AGTRAP: variants seen among roughly 807,000 people sequenced by gnomAD.
The protein encoded by AGTRAP is angiotensin II receptor associated protein, also known as type-1 angiotensin II receptor-associated protein.
A neutral mutation model predicts 15.2 loss-of-function variants in AGTRAP; 7 were observed. That is an observed-to-expected ratio of 0.46 (90% confidence interval 0.26 to 0.87). The LOEUF (loss-of-function observed/expected upper bound fraction) is 0.87. Among genes scored for constraint, AGTRAP ranks in the 40% least tolerant of loss-of-function variants. The pLI, the probability that AGTRAP is intolerant of heterozygous loss-of-function variation, is 0.15. For missense variants in AGTRAP, 187 were observed against 213.4 expected (o/e 0.88, Z 0.77); for synonymous variants, 74 against 89.6 (o/e 0.83, Z 0.98).
intron 2 of AGTRAP, chr1:11,746,794 G>T (rs6660106): frequency 0.74 from 115,541 of 156,770 alleles, 44,167 homozygotes; most frequent in East Asian, 0.94. Flanking sequence ...GCAAGTGATC[G>T]GTGTTCACTA....
intron 1 of AGTRAP, among the ~76,000 whole-genome samples, chr1:11,737,130 G>A (rs747933588): frequency 1.3e-5 from 2 of 152,208 alleles, no homozygotes; most frequent in African/African-American, 4.8e-5. Context: ...AGAAATAGAT[G>A]GTTACAAAAC....
chr1:11,736,924 C>T (rs533408803), intron 1 of AGTRAP, among the ~76,000 whole-genome samples: 3 of 152,310 alleles, frequency 2.0e-5, no homozygotes, highest in Admixed American at 6.5e-5. Context: ...AGCCCCGCCG[C>T]CCACGTGTCT....
intron 3 of AGTRAP, among the ~76,000 whole-genome samples, chr1:11,748,156 C>T (rs749523339): frequency 6.6e-6 from 1 of 152,234 alleles, no homozygotes; most frequent in Non-Finnish European, 1.5e-5. Flanking sequence ...TTGTGCCCAT[C>T]ATGGCCTTGG....
intron 1 of AGTRAP, among the ~76,000 whole-genome samples, chr1:11,744,166 T>C (rs1642103487): frequency 6.6e-6 from 1 of 152,102 alleles, no homozygotes; most frequent in Non-Finnish European, 1.5e-5. Context: ...TCCCAGCTAC[T>C]GGGGAGGCTG....
intron 1 of AGTRAP, among the ~76,000 whole-genome samples, chr1:11,736,663 C>T (rs1641906151): frequency 6.6e-6 from 1 of 152,262 alleles, no homozygotes. Context: ...TTTCAGGAGC[C>T]TCCTTGTTTG....
rs1642150932 is a variant in AGTRAP at position 11,745,906 on chromosome 1, CTG to C, written c.62+70_62+71del. 6.3e-7 allele frequency: 1 copy of C among 1,593,698 alleles called. No homozygotes were observed. Among genetic ancestry groups the C allele is most frequent in the African/African-American group, 1.3e-5 (1 of 74,380 alleles). On this transcript the variant is annotated intron_variant, in intron 2 of 4. Coordinates refer to ENST00000314340, the MANE Select transcript of AGTRAP (RefSeq NM_020350.5). This position sits in a 1 kb window ranked among gnomAD's most constrained non-coding sequence, Gnocchi z 4.2. The stretch of plus-strand genomic sequence containing the variant: ...GGGTCTGTGTCAGCCGGGTCAGGTC[CTG>C]GTTCTGCCGTGTTTTAACCAGGTCA...
chr1:11,747,953 G>GC (rs1375762354), intron 3 of AGTRAP, among the ~76,000 whole-genome samples: 2 of 152,186 alleles, frequency 1.3e-5, no homozygotes, highest in Admixed American at 6.5e-5. Context: ...AGGTGACCCT[G>GC]CCCCACCGAA....
chr1:11,742,440 C>T (rs1226658115), intron 1 of AGTRAP, among the ~76,000 whole-genome samples: 4 of 139,710 alleles, frequency 2.9e-5, no homozygotes, highest in African/African-American at 7.5e-5. Context: ...TCCCTTCCTT[C>T]GTTCCTTCCT....
chr1:11,739,205 C>T (rs1255931922), intron 1 of AGTRAP, among the ~76,000 whole-genome samples: 1 of 152,024 alleles, frequency 6.6e-6, no homozygotes, highest in Non-Finnish European at 1.5e-5. Flanking sequence ...CAGTCCCTAC[C>T]TCCTAGGATG....
intron 1 of AGTRAP, among the ~76,000 whole-genome samples, chr1:11,737,136 A>T (rs1437334151): frequency 6.6e-6 from 1 of 152,270 alleles, no homozygotes; most frequent in African/African-American, 2.4e-5. Flanking sequence ...AGATGGTTAC[A>T]AAACAATGGC....
Position 11,747,422 on chromosome 1 carries a change from A to G in AGTRAP, c.63-18A>G, listed in dbSNP as rs1011555037. ...GGGTGGTGGCCTCCTGACGGGACTG[A>G]GCTACCTCTTCCTACAGGGGCTGCA... On this transcript the variant is annotated intron_variant, in intron 2 of 4. Coordinates refer to ENST00000314340, the MANE Select transcript of AGTRAP (RefSeq NM_020350.5). The G allele has an allele frequency of 3.7e-6, 6 of 1,612,104 alleles. No homozygotes were observed. The highest frequency in any genetic ancestry group is 1.3e-5 in the African/African-American group (1 of 74,892).
At chr1:11,740,299 T>G (rs1641998035) in intron 1 of AGTRAP, among the ~76,000 whole-genome samples, 1 of 152,228 alleles carries the variant, frequency 6.6e-6, no homozygotes, top group Admixed American at 6.5e-5. Context: ...AGTTTCTCCC[T>G]GGAGTCTTCC....
At chr1:11,737,482 G>C (rs1478678019) in intron 1 of AGTRAP, among the ~76,000 whole-genome samples, 1 of 152,236 alleles carries the variant, frequency 6.6e-6, no homozygotes, top group Non-Finnish European at 1.5e-5. Flanking sequence ...TCTAATTTAT[G>C]GGCTTCTGTG....
chr1:11,749,265 T>A (rs1037722874), intron 4 of AGTRAP, among the ~76,000 whole-genome samples: 12 of 152,200 alleles, frequency 7.9e-5, no homozygotes, highest in African/African-American at 2.7e-4. Context: ...TTTCTCTCTC[T>A]CTTTGAGAGG....
intron 1 of AGTRAP, among the ~76,000 whole-genome samples, chr1:11,737,851 C>T (rs751050730): frequency 3.9e-5 from 6 of 152,056 alleles, no homozygotes; most frequent in South Asian, 2.1e-4. Flanking sequence ...ACTTGGCAAA[C>T]GAGACCCCAG....
rs184240058 is a variant in AGTRAP at position 11,745,874 on chromosome 1, G to A, written c.62+37G>A. 119 of 1,613,182 alleles carry A rather than the reference G, an allele frequency of 7.4e-5. 3 individuals carry two copies. In the South Asian group the frequency reaches 8.0e-4, roughly 11 times the overall value. ...TGTGGGTATCTTGTGTGTCTCCTGC[G>A]GTCTCAGGGTCTGTGTCAGCCGGGT... On this transcript the variant is annotated intron_variant, in intron 2 of 4. Coordinates refer to ENST00000314340, the MANE Select transcript of AGTRAP (RefSeq NM_020350.5). The surrounding 1 kb of genome is among the most constrained non-coding windows in gnomAD (Gnocchi z 4.2).
chr1:11,741,521 C>G (rs146804755), intron 1 of AGTRAP, among the ~76,000 whole-genome samples: 1 of 152,334 alleles, frequency 6.6e-6, no homozygotes, highest in African/African-American at 2.4e-5. Flanking sequence ...TTTATCACTT[C>G]AAGCCCCTGG....
Position 11,747,489 on chromosome 1 carries a change from C to G in AGTRAP, c.112C>G (p.Leu38Val), listed in dbSNP as rs753525447. 18 of 1,614,186 alleles carry G rather than the reference C, an allele frequency of 1.1e-5. No homozygotes were observed. Among genetic ancestry groups the G allele is most frequent in the Non-Finnish European group, 1.4e-5 (17 of 1,179,998 alleles). ...GSYAWANFTI[L>V]ALGVWAVAQR... The stretch of plus-strand genomic sequence containing the variant: ...CTATGCCTGGGCCAACTTCACCATC[C>G]TGGCCTTGGGCGTGTGGGCTGTGGC... The change falls in exon 3 of 5, where the codon CTG becomes GTG. Residue 38 changes from leucine to valine, a missense_variant. Physicochemically the swap from Leu to Val is conservative, Grantham distance 32. Coordinates refer to ENST00000314340, the MANE Select transcript of AGTRAP (RefSeq NM_020350.5).
chr1:11,741,145 C>T (rs1209441932), intron 1 of AGTRAP, among the ~76,000 whole-genome samples: 2 of 151,894 alleles, frequency 1.3e-5, no homozygotes, highest in Non-Finnish European at 2.9e-5. Context: ...TTCCACGCCC[C>T]CCTTCTGCCA....
Sources: gnomAD v4.1 joint callset for allele counts (sites outside exome capture counted in the v4.1 genomes callset) on GRCh38, gnomAD v4.1.1 for gene constraint, Gnocchi (gnomAD v3.1) non-coding constraint, MANE v1.5 for transcripts, NCBI Gene and HGNC (gene_info 2026-07-23, HGNC 2026-07-21) for gene names.